The following PCDHA6 variants were observed in gnomAD, a reference collection of about 807,000 sequenced individuals.
PCDHA6 encodes the protein protocadherin alpha 6.
Under a neutral mutation model 60.3 loss-of-function variants are expected in PCDHA6, and 55 were observed. That is an observed-to-expected ratio of 0.91 (90% CI 0.73 to 1.14). The LOEUF (loss-of-function observed/expected upper bound fraction) is 1.14. Ranked by LOEUF, PCDHA6 falls within the 50% of genes most tolerant of loss-of-function variation. The pLI is 0.00. For missense variants in PCDHA6, 1,327 were observed against 1,256.5 expected (o/e 1.06, Z -0.85); for synonymous variants, 652 against 557.9 (o/e 1.17, Z -2.38).
chr5:140,902,956 G>A (rs1356131798), intron 1 of PCDHA6, among the ~76,000 whole-genome samples: 3 of 152,242 alleles, frequency 2.0e-5, no homozygotes, highest in Non-Finnish European at 4.4e-5. Context: ...TTATCCACTT[G>A]TTGGCTGATG....
intron 1 of PCDHA6, among the ~76,000 whole-genome samples, chr5:140,917,405 T>C (rs2153543748): frequency 6.6e-6 from 1 of 152,162 alleles, no homozygotes; most frequent in South Asian, 2.1e-4. Flanking sequence ...AGCTCTTTAG[T>C]TTAATTAGGC....
intron 1 of PCDHA6, among the ~76,000 whole-genome samples, chr5:140,879,820 T>C (rs917285977): frequency 6.6e-6 from 1 of 152,232 alleles, no homozygotes; most frequent in Non-Finnish European, 1.5e-5. Flanking sequence ...CTGTTGGTGT[T>C]CCCTGGCTTG....
chr5:140,881,443 G>T (rs1554172114), intron 1 of PCDHA6: 1 of 818,602 alleles, frequency 1.2e-6, no homozygotes, highest in Non-Finnish European at 1.5e-6. Flanking sequence ...TATAAAAACA[G>T]AATCCAAAAC....
At chr5:140,927,092 G>T in intron 1 of PCDHA6, 1 of 1,612,746 alleles carries the variant, frequency 6.2e-7, no homozygotes, top group Non-Finnish European at 8.5e-7. Flanking sequence ...CTCTACTTCG[G>T]GGTGGATCTA....
At chr5:140,892,552 T>A (rs1041756319) in intron 1 of PCDHA6, among the ~76,000 whole-genome samples, 1 of 152,222 alleles carries the variant, frequency 6.6e-6, no homozygotes, top group East Asian at 1.9e-4. Flanking sequence ...GTTTCTCTAG[T>A]CCTTGGAGAC....
chr5:140,855,933 T>C, intron 1 of PCDHA6: 1 of 1,295,336 alleles, frequency 7.7e-7, no homozygotes, highest in Non-Finnish European at 1.1e-6. Flanking sequence ...AGCGTCATTC[T>C]GAGATCTCAG....
At chr5:140,876,671 C>A in intron 1 of PCDHA6, 1 of 1,614,212 alleles carries the variant, frequency 6.2e-7, no homozygotes, top group African/African-American at 1.3e-5. Flanking sequence ...CTGGTGTCCA[C>A]CTACAAGAAT....
intron 1 of PCDHA6, among the ~76,000 whole-genome samples, chr5:140,978,477 G>A (rs1362771671): frequency 6.6e-6 from 1 of 152,342 alleles, no homozygotes; most frequent in African/African-American, 2.4e-5. Context: ...ATATGCTGCA[G>A]TCTGCAAAGC....
chr5:140,844,208 T>C (rs1779271586), intron 1 of PCDHA6, among the ~76,000 whole-genome samples: 1 of 149,848 alleles, frequency 6.7e-6, no homozygotes, highest in African/African-American at 2.4e-5. Context: ...TAGTGTCTGG[T>C]AGTCACAAAT....
At position 140,852,910 on chromosome 5, in the gene PCDHA6, G is replaced by A. The variant is rs2150524838; in HGVS notation, c.2394+22425G>A. On this transcript the variant is annotated intron_variant, in intron 1 of 3. Transcript: ENST00000529310. The stretch of plus-strand genomic sequence containing the variant: ...ATTTTTTTTTTTGAGTCAGAGTCTC[G>A]CTCTGTTGCCCAGGCTGGAGTGCAG... 89 of 797,098 alleles carry A rather than the reference G, an allele frequency of 1.1e-4. 6 individuals carry two copies. Among genetic ancestry groups the A allele is most frequent in the Non-Finnish European group, 1.3e-4 (84 of 645,392 alleles). The allele number at this position is 797,098 out of a possible 1,614,324, so 49.4% of individuals were successfully genotyped here. A position where few individuals can be genotyped will look rare whatever the true frequency, so the allele number is the denominator to read the frequency against.
At chr5:140,846,705 G>A (rs1780632800) in intron 1 of PCDHA6, among the ~76,000 whole-genome samples, 1 of 149,244 alleles carries the variant, frequency 6.7e-6, no homozygotes, top group Non-Finnish European at 1.5e-5. Context: ...AGAGAAGATT[G>A]TAATAACCAG....
intron 1 of PCDHA6, among the ~76,000 whole-genome samples, chr5:140,847,173 G>A (rs1554141670): frequency 6.7e-6 from 1 of 149,492 alleles, no homozygotes; most frequent in African/African-American, 2.4e-5. Context: ...ATAAACTAAA[G>A]GGCCATGAGT....
rs2150357061 is a variant in PCDHA6, at chr5:140,843,307, G to A, written c.2394+12822G>A. 9.4e-6 allele frequency: 15 copies of A among 1,595,858 alleles called. 1 individual carries two copies. In the African/African-American group the frequency reaches 1.1e-4, roughly 11 times the overall value. Reference sequence around the variant, plus strand: ...ATGGTGAACCTGCGCTGACCGCCACGGCCACGGTTCTGGTGTCGCTGGTGG... The same window carrying A: ...ATGGTGAACCTGCGCTGACCGCCACAGCCACGGTTCTGGTGTCGCTGGTGG... On this transcript the variant is annotated intron_variant, in intron 1 of 3. Coordinates refer to ENST00000529310, the MANE Select transcript of PCDHA6 (RefSeq NM_018909.4).
At chr5:140,837,965 A>G (rs1208755583) in intron 1 of PCDHA6, among the ~76,000 whole-genome samples, 1 of 151,758 alleles carries the variant, frequency 6.6e-6, no homozygotes, top group Non-Finnish European at 1.5e-5. Flanking sequence ...AGACACGAAC[A>G]ACCACACCCA....
At chr5:140,835,950 T>C (rs2150248935) in intron 1 of PCDHA6, 44 of 1,612,684 alleles carry the variant, frequency 2.7e-5, no homozygotes, top group Middle Eastern at 3.6e-4. Context: ...GCTGCAGCCG[T>C]TGGACCACGA....
At chr5:140,877,738 C>G (rs539793128) in intron 1 of PCDHA6, 1 of 1,614,164 alleles carries the variant, frequency 6.2e-7, no homozygotes, top group African/African-American at 1.3e-5. Flanking sequence ...GCAGAGGAGG[C>G]AGAGGGTGTG....
chr5:140,928,896 A>G, intron 1 of PCDHA6: 3 of 1,614,108 alleles, frequency 1.9e-6, no homozygotes, highest in Non-Finnish European at 2.5e-6. Context: ...CAGACTTTGA[A>G]GATGTCTGGG....
At chr5:140,990,367 A>G (rs1162635749) in intron 3 of PCDHA6, among the ~76,000 whole-genome samples, 1 of 152,104 alleles carries the variant, frequency 6.6e-6, no homozygotes, top group Non-Finnish European at 1.5e-5. Context: ...AATCTAATAA[A>G]GCAAATTTGT....
intron 3 of PCDHA6, among the ~76,000 whole-genome samples, chr5:140,999,809 CAA>C (rs1350603380): frequency 1.3e-5 from 2 of 152,160 alleles, no homozygotes; most frequent in African/African-American, 2.4e-5. Flanking sequence ...GGGCACAAAG[CAA>C]GAGCTGTGGC....
Sources: gnomAD v4.1 joint callset for allele counts (sites outside exome capture counted in the v4.1 genomes callset) on GRCh38, gnomAD v4.1.1 for gene constraint, MANE v1.5 for transcripts, NCBI Gene and HGNC (gene_info 2026-07-23, HGNC 2026-07-21) for gene names.